Variants in SOD2 observed in about 807,000 individuals in gnomAD.
The protein encoded by SOD2 is superoxide dismutase [Mn], mitochondrial.
A neutral mutation model predicts 27.0 loss-of-function variants in SOD2; 11 were observed. That is an observed-to-expected ratio of 0.41 (90% CI 0.26 to 0.67). The LOEUF is 0.67. SOD2 is among the 30% of genes least tolerant of loss of function. The probability of loss-of-function intolerance (pLI) is 0.34; values close to 1 mark genes in which losing one functional copy is unlikely to be tolerated. For synonymous variants in SOD2, 105 were observed against 103.0 expected, an observed-to-expected ratio of 1.02 and a Z score of -0.12; for missense variants, 250 against 274.5, an observed-to-expected ratio of 0.91 and a Z score of 0.63.
At chr6:159,703,692 A>G (rs766183025) in intron 1 of SOD2, among the ~76,000 whole-genome samples, 1 of 152,226 alleles carries the variant, frequency 6.6e-6, no homozygotes, top group Non-Finnish European at 1.5e-5. Flanking sequence ...CAGCCCCTAT[A>G]TTTGATGAGC....
At chr6:159,756,554 TACAG>T (rs1780014319) in intron 1 of SOD2, among the ~76,000 whole-genome samples, 1 of 146,540 alleles carries the variant, frequency 6.8e-6, no homozygotes, top group South Asian at 2.2e-4. Flanking sequence ...TATTTTAAAA[TACAG>T]AAAAGTATAA....
chr6:159,720,847 C>CTTTTTTTTTTTTTTT (rs763455003), intron 1 of SOD2, among the ~76,000 whole-genome samples: 1 of 59,962 alleles, frequency 1.7e-5, no homozygotes, highest in African/African-American at 6.5e-5. Context: ...TTTTCTTTAC[C>CTTTTTTTTTTTTTTT]TTTTTTTTTT....
Position 159,711,675 on chromosome 6 carries a change from A to T in SOD2, c.-116+15454T>A, listed in dbSNP as rs201014460. 2.3e-4 allele frequency among the ~76,000 whole-genome samples: 15 copies of T among 65,276 alleles called. 1 individual carries two copies. In the East Asian group the frequency reaches 2.7e-3, roughly 12 times the overall value. 42.8% of individuals were successfully genotyped at this position (65,276 alleles called of 152,430 possible). On this transcript the variant is annotated intron_variant, in intron 1 of 2. Coordinates refer to the SOD2 transcript ENST00000401980. Reference sequence around the variant, plus strand: ...TACCACCACTCACATTGCTCTGATCACCATAACCACCTCCATAACCACCAC... The same window carrying T: ...TACCACCACTCACATTGCTCTGATCTCCATAACCACCTCCATAACCACCAC...
At chr6:159,699,625 C>T (rs1777490036) in intron 1 of SOD2, among the ~76,000 whole-genome samples, 1 of 152,082 alleles carries the variant, frequency 6.6e-6, no homozygotes, top group Non-Finnish European at 1.5e-5. Context: ...TATTAAACTG[C>T]CAACTTCTAG....
intron 1 of SOD2, among the ~76,000 whole-genome samples, chr6:159,710,785 A>AC (rs878949055): frequency 6.7e-6 from 1 of 148,600 alleles, no homozygotes; most frequent in South Asian, 2.2e-4. Context: ...ACCACCACTC[A>AC]GCTGCTCTGA....
chr6:159,713,431 G>A (rs1777867356), intron 1 of SOD2: 1 of 649,742 alleles, frequency 1.5e-6, no homozygotes, highest in African/African-American at 1.8e-5. Context: ...ATGAACTTCA[G>A]CTTGGCTATT....
At chr6:159,707,169 AAGATCT>A (rs1419790426) in intron 1 of SOD2, among the ~76,000 whole-genome samples, 1 of 152,226 alleles carries the variant, frequency 6.6e-6, no homozygotes, top group African/African-American at 2.4e-5. Flanking sequence ...GAAAGCAGGA[AAGATCT>A]AAAATTGATA....
At chr6:159,746,866 AGT>A (rs1233671452), upstream of SOD2, among the ~76,000 whole-genome samples, 4 of 152,188 alleles carry the variant, frequency 2.6e-5, no homozygotes, top group Non-Finnish European at 5.9e-5. Context: ...CATGAATGAA[AGT>A]GTTGACTATT....
Position 159,688,239 on chromosome 6 carries a change from TCTC to T in SOD2, c.227_229del (p.Gly76del), listed in dbSNP as rs1334641102. ...CTGAAGAGCTATCTGGGCTGTAACA[TCTC>T]CTGAAAAGTTAAAATGCAAACACAT... On this transcript the variant is annotated inframe_deletion and splice_region_variant, in exon 3 of 5. Coordinates refer to ENST00000538183, the MANE Select transcript of SOD2 (RefSeq NM_000636.4). The T allele has an allele frequency of 6.3e-7, 1 of 1,593,786 alleles. No homozygotes were observed. The highest frequency in any genetic ancestry group is 8.6e-7 in the Non-Finnish European group (1 of 1,161,636).
chr6:159,712,936 C>T, intron 1 of SOD2: 1 of 636,538 alleles, frequency 1.6e-6, no homozygotes, highest in South Asian at 1.9e-5. Context: ...TCTCCCTGTA[C>T]CTGTGCTGCA....
At chr6:159,752,702 A>G (rs936534432) in intron 1 of SOD2, among the ~76,000 whole-genome samples, 1 of 152,196 alleles carries the variant, frequency 6.6e-6, no homozygotes, top group Admixed American at 6.5e-5. Flanking sequence ...AATTAATATA[A>G]TAGATAATAT....
intron 1 of SOD2, among the ~76,000 whole-genome samples, chr6:159,744,202 C>T (rs1210824805): frequency 6.6e-6 from 1 of 152,128 alleles, no homozygotes; most frequent in African/African-American, 2.4e-5. Context: ...TTCCTAGTGT[C>T]AGCAACCTCT....
At position 159,674,591 on chromosome 6, in the gene SOD2, A is replaced by C. The variant is rs1052477246; in HGVS notation, c.*7902T>G. On this transcript the variant is annotated 3_prime_UTR_variant, in exon 5 of 5. Coordinates refer to ENST00000538183, the MANE Select transcript of SOD2 (RefSeq NM_000636.4). ...TCAATGAATTAGGTATTGATGGGAC[A>C]TATCTCAAAATAATAAGAGCTATCT... 1 of 152,212 alleles carries C rather than the reference A, an allele frequency of 6.6e-6. No individual in the cohort carries two copies. The highest frequency in any genetic ancestry group is 2.4e-5 in the African/African-American group (1 of 41,446). The allele number at this position is 152,212 out of a possible 1,614,324, so 9.4% of individuals were successfully genotyped here.
chr6:159,758,876 T>C (rs955288692), intron 1 of SOD2, among the ~76,000 whole-genome samples: 10 of 152,108 alleles, frequency 6.6e-5, no homozygotes, highest in African/African-American at 2.4e-4. Flanking sequence ...CCAAGAATGA[T>C]TGCATCTTCC....
intron 1 of SOD2, among the ~76,000 whole-genome samples, chr6:159,707,648 C>T (rs914018964): frequency 6.6e-6 from 1 of 152,144 alleles, no homozygotes; most frequent in Non-Finnish European, 1.5e-5. Context: ...CAAAAAAAGT[C>T]CAGGACTAGA....
At position 159,738,271 on chromosome 6, in the gene SOD2, A is replaced by G. The variant is rs1041339972; in HGVS notation, c.-116+6859T>C. 2.0e-5 allele frequency among the ~76,000 whole-genome samples: 3 copies of G among 152,334 alleles called. No individual in the cohort carries two copies. In the East Asian group the frequency reaches 5.8e-4, roughly 29 times the overall value. Reference sequence around the variant, plus strand: ...TCTCCATGCCTGACCCCTGGCAACCACTAATTTATCTCCATTTGTATAATT... The same window carrying G: ...TCTCCATGCCTGACCCCTGGCAACCGCTAATTTATCTCCATTTGTATAATT... On this transcript the variant is annotated intron_variant, in intron 1 of 3. Coordinates refer to the SOD2 transcript ENST00000537657.
chr6:159,761,564 CAG>C, exon 1 of SOD2: 1 of 456,612 alleles, frequency 2.2e-6, no homozygotes, highest in Non-Finnish European at 4.4e-6. Context: ...AAGGACCCAT[CAG>C]AGCTGTGCTG....
chr6:159,710,257 T>TA (rs1330337325), intron 1 of SOD2, among the ~76,000 whole-genome samples: 1 of 118,586 alleles, frequency 8.4e-6, no homozygotes. Flanking sequence ...CCCTAGAACT[T>TA]AAAGTATAAA....
chr6:159,693,183 G>T lies in SOD2; in HGVS notation c.-16C>A. 6.6e-7 allele frequency: 1 copy of T among 1,526,502 alleles called. No individual in the cohort carries two copies. The highest frequency in any genetic ancestry group is 8.8e-7 in the Non-Finnish European group (1 of 1,136,444). 94.6% of individuals were successfully genotyped at this position (1,526,502 alleles called of 1,614,324 possible). The stretch of plus-strand genomic sequence containing the variant: ...GGCTCAACATGCTGCTAGTGCTGGT[G>T]CTACCGCTGATGCCGCCGATCTGCT... On this transcript the variant is annotated 5_prime_UTR_variant, in exon 1 of 5. Transcript: ENST00000538183.
Sources: gnomAD v4.1 joint callset for allele counts (sites outside exome capture counted in the v4.1 genomes callset) on GRCh38, gnomAD v4.1.1 for gene constraint, MANE v1.5 for transcripts, NCBI Gene and HGNC (gene_info 2026-07-23, HGNC 2026-07-21) for gene names.